Variants in NCOA3 observed in about 807,000 individuals in gnomAD.
NCOA3 encodes nuclear receptor coactivator 3.
A neutral mutation model predicts 158.8 loss-of-function variants in NCOA3; 51 were observed. The ratio of observed to expected loss-of-function variants is 0.32; its 90% confidence interval spans 0.26 to 0.41. The LOEUF (loss-of-function observed/expected upper bound fraction) is 0.41. Among genes scored for constraint, NCOA3 ranks in the 10% least tolerant of loss-of-function variants. The probability of loss-of-function intolerance (pLI) is 1.00; values close to 1 mark genes in which losing one functional copy is unlikely to be tolerated. For synonymous variants in NCOA3, 537 were observed against 592.4 expected (o/e 0.91, Z 1.36); for missense variants, 1,510 against 1,746.6 (o/e 0.86, Z 2.41).
intron 1 of NCOA3, among the ~76,000 whole-genome samples, chr20:47,551,389 C>G (rs959919153): frequency 2.6e-5 from 4 of 152,070 alleles, no homozygotes. Flanking sequence ...ATGACACGTT[C>G]CCTGAATTGA....
intron 1 of NCOA3, among the ~76,000 whole-genome samples, chr20:47,515,805 A>G (rs1488730156): frequency 1.3e-5 from 2 of 152,104 alleles, no homozygotes; most frequent in East Asian, 1.9e-4. Flanking sequence ...TCATCAATCA[A>G]TAAGTGGTAG....
chr20:47,599,430 G>T (rs1241246861), intron 2 of NCOA3, among the ~76,000 whole-genome samples: 1 of 152,144 alleles, frequency 6.6e-6, no homozygotes, highest in Non-Finnish European at 1.5e-5. Context: ...GGGATTTTGA[G>T]TTCTTTTTGG....
At chr20:47,518,004 A>C (rs1272435415) in intron 1 of NCOA3, among the ~76,000 whole-genome samples, 3 of 152,118 alleles carry the variant, frequency 2.0e-5, no homozygotes, top group Non-Finnish European at 4.4e-5. Flanking sequence ...ATTTAATTTT[A>C]ACTCCATTTC....
intron 2 of NCOA3, among the ~76,000 whole-genome samples, chr20:47,601,755 A>T (rs2085867865): frequency 6.6e-6 from 1 of 152,206 alleles, no homozygotes; most frequent in Non-Finnish European, 1.5e-5. Context: ...AAACCTTTAA[A>T]CTTCTGACCT....
chr20:47,528,267 T>C (rs2146100375), intron 1 of NCOA3, among the ~76,000 whole-genome samples: 1 of 152,348 alleles, frequency 6.6e-6, no homozygotes, highest in Non-Finnish European at 1.5e-5. Context: ...ACATTTACAT[T>C]CTTAAACATA....
chr20:47,525,785 A>G (rs3091686), intron 1 of NCOA3, among the ~76,000 whole-genome samples: 25 of 56,558 alleles, frequency 4.4e-4, no homozygotes, highest in East Asian at 1.2e-3. Flanking sequence ...CCTCCCTCCC[A>G]GACGGGGCGG....
intron 1 of NCOA3, among the ~76,000 whole-genome samples, chr20:47,557,098 A>G (rs372776011): frequency 3.3e-5 from 5 of 152,228 alleles, no homozygotes; most frequent in African/African-American, 1.2e-4. Flanking sequence ...TTTTTCTCCC[A>G]TCTTTACCCA....
chr20:47,584,907 C>T (rs754072404), intron 2 of NCOA3, among the ~76,000 whole-genome samples: 1 of 152,056 alleles, frequency 6.6e-6, no homozygotes, highest in Admixed American at 6.6e-5. Flanking sequence ...ATTCCCCCTC[C>T]TTATGTGTGA....
intron 19 of NCOA3, among the ~76,000 whole-genome samples, chr20:47,650,080 T>C (rs2086757547): frequency 6.6e-6 from 1 of 152,024 alleles, no homozygotes; most frequent in South Asian, 2.1e-4. Flanking sequence ...TGTAATTGTC[T>C]TTCATAGTTC....
At chr20:47,571,800 T>C (rs560362857) in intron 1 of NCOA3, among the ~76,000 whole-genome samples, 1 of 152,198 alleles carries the variant, frequency 6.6e-6, no homozygotes, top group South Asian at 2.1e-4. Flanking sequence ...CAATCTCAGC[T>C]TAATGCAACC....
chr20:47,550,407 G>A (rs912975345), intron 1 of NCOA3, among the ~76,000 whole-genome samples: 21 of 138,188 alleles, frequency 1.5e-4, no homozygotes, highest in Admixed American at 1.3e-3. Context: ...TCGTGCCATT[G>A]CACTCCAGCC....
At chr20:47,646,749 T>C (rs1175514085) in intron 17 of NCOA3, among the ~76,000 whole-genome samples, 2 of 152,086 alleles carry the variant, frequency 1.3e-5, no homozygotes, top group Non-Finnish European at 2.9e-5. Flanking sequence ...AAGAGAGACA[T>C]GTCAAGCATG....
At position 47,635,953 on chromosome 20, in the gene NCOA3, C is replaced by T; in HGVS notation, c.1567C>T (p.Leu523Phe). Residue 523 changes from leucine to phenylalanine, a missense_variant, in exon 12 of 23, where the codon CTC becomes TTC. By Grantham distance (22) the Leu-to-Phe change is conservative (BLOSUM62 0). Coordinates refer to ENST00000371998, the MANE Select transcript of NCOA3 (RefSeq NM_181659.3). Reference protein sequence around the residue: ...TGNHSFSSSSLSALQAISEGV... With the variant: ...TGNHSFSSSSFSALQAISEGV... ...GAACCACAGCTTTTCCAGCAGCTCT[C>T]TCAGTGCCCTGCAAGCCATCAGTGA... 1 of 1,614,128 alleles carries T rather than the reference C, an allele frequency of 6.2e-7. No homozygotes were observed.
rs1468622969 is a variant in NCOA3, at chr20:47,656,125, C to A, written c.*2708C>A. 3.2e-5 allele frequency: 4 copies of A among 126,434 alleles called. No homozygotes were observed. The highest frequency in any genetic ancestry group is 5.1e-5 in the Non-Finnish European group (3 of 59,030). 7.8% of individuals were successfully genotyped at this position (126,434 alleles called of 1,614,324 possible). On this transcript the variant is annotated 3_prime_UTR_variant, in exon 23 of 23. Transcript: ENST00000371998. ...GAATGTGGGATATTTCCAGTACCTA[C>A]TTTTTTTTTTTTTTTTTGCTGAATC... is the stretch of plus-strand genomic sequence containing the variant.
intron 1 of NCOA3, among the ~76,000 whole-genome samples, chr20:47,527,364 GCTT>G (rs1404207473): frequency 1.3e-5 from 2 of 152,040 alleles, no homozygotes; most frequent in Admixed American, 6.6e-5. Flanking sequence ...TGTTGTGTCA[GCTT>G]CTTTTTTTTC....
At chr20:47,588,336 C>T (rs1370980549) in intron 2 of NCOA3, among the ~76,000 whole-genome samples, 1 of 151,450 alleles carries the variant, frequency 6.6e-6, no homozygotes, top group Admixed American at 6.6e-5. Flanking sequence ...GGTCTCACCA[C>T]GTTGCCCAAG....
intron 1 of NCOA3, among the ~76,000 whole-genome samples, chr20:47,575,998 T>C (rs975703024): frequency 6.6e-6 from 1 of 152,216 alleles, no homozygotes; most frequent in Non-Finnish European, 1.5e-5. Flanking sequence ...ATTTAATGGA[T>C]TAGTTTATTG....
chr20:47,553,677 T>C (rs978087315), intron 1 of NCOA3, among the ~76,000 whole-genome samples: 2 of 151,706 alleles, frequency 1.3e-5, no homozygotes, highest in Admixed American at 1.3e-4. Flanking sequence ...CGATAGTTTG[T>C]TGAGAATGAT....
intron 1 of NCOA3, among the ~76,000 whole-genome samples, chr20:47,545,193 T>C (rs1236054345): frequency 8.0e-6 from 1 of 125,462 alleles, no homozygotes; most frequent in East Asian, 2.2e-4. Flanking sequence ...TTTTTTTTTT[T>C]TGAGAAAGAG....
Sources: allele counts gnomAD v4.1 joint callset (sites outside exome capture counted in the v4.1 genomes callset), GRCh38; gene constraint gnomAD v4.1.1; transcripts MANE v1.5; gene names NCBI Gene and HGNC (gene_info 2026-07-23, HGNC 2026-07-21).